Variants in ZNF536 observed in about 807,000 individuals in gnomAD.
The protein encoded by ZNF536 is zinc finger protein 536.
A neutral mutation model predicts 84.5 loss-of-function variants in ZNF536; 13 were observed. The ratio of observed to expected loss-of-function variants is 0.15; its 90% CI spans 0.10 to 0.24. The LOEUF (loss-of-function observed/expected upper bound fraction) is 0.24. Among genes scored for constraint, ZNF536 ranks in the 10% least tolerant of loss-of-function variants. The probability of loss-of-function intolerance (pLI) is 1.00; values close to 1 mark genes in which losing one functional copy is unlikely to be tolerated. For synonymous variants in ZNF536, 811 were observed against 742.5 expected (o/e 1.09, Z -1.50); for missense variants, 1,536 against 1,747.5 (o/e 0.88, Z 2.16).
chr19:30,285,593 G>A lies in ZNF536; in HGVS notation c.-120+1452G>A, dbSNP rs1326115892. Among the ~76,000 whole-genome samples, 18 of 152,242 alleles carry A rather than the reference G, an allele frequency of 1.2e-4. No homozygotes were observed. The East Asian group carries it at 2.1e-3, about 18-fold the overall frequency. On this transcript the variant is annotated intron_variant, in intron 2 of 5. Transcript: ENST00000585628. ...CTGCCAGTGAATCGGAGGTATAGCCGAGCCAGTGGAAGTGGCTTTAAACCG... is the reference window on the plus strand; with the variant it reads ...CTGCCAGTGAATCGGAGGTATAGCCAAGCCAGTGGAAGTGGCTTTAAACCG...
intron 2 of ZNF536, chr19:30,296,306 G>C (rs1836275780): frequency 6.6e-6 from 1 of 152,332 alleles, no homozygotes; most frequent in Admixed American, 6.5e-5. Context: ...GAAGAGAGCA[G>C]AACAGTGCCC....
chr19:30,433,908 A>C (rs1225457378), intron 1 of ZNF536, among the ~76,000 whole-genome samples: 1 of 151,778 alleles, frequency 6.6e-6, no homozygotes, highest in Non-Finnish European at 1.5e-5. Flanking sequence ...AACTATGCTA[A>C]CTGCTGCGGT....
intron 1 of ZNF536, among the ~76,000 whole-genome samples, chr19:30,639,256 T>C (rs182785143): frequency 2.8e-3 from 427 of 152,360 alleles, no homozygotes; most frequent in Non-Finnish European, 3.3e-3. Flanking sequence ...AATTTTGTAG[T>C]AGCAACATTA....
In ZNF536 at chr19:30,342,743, G is replaced by A. The variant is rs191112962; in HGVS notation, c.-119-9625G>A. Reference sequence around the variant, plus strand: ...AAAACAACCCAACAACAATTATTGAGGAAAAAAACTCTAGCATGAGTTTAA... The same window carrying A: ...AAAACAACCCAACAACAATTATTGAAGAAAAAAACTCTAGCATGAGTTTAA... On this transcript the variant is annotated intron_variant, in intron 2 of 5. Transcript: ENST00000585628. Among the ~76,000 whole-genome samples, 16 of 152,226 alleles carry A rather than the reference G, an allele frequency of 1.1e-4. No homozygotes were observed. In the East Asian group the frequency reaches 2.9e-3, roughly 28 times the overall value.
chr19:30,629,447 C>T (rs750817012), intron 1 of ZNF536, among the ~76,000 whole-genome samples: 17 of 152,042 alleles, frequency 1.1e-4, no homozygotes, highest in Non-Finnish European at 2.2e-4. Context: ...TCACCCACCT[C>T]GGCCTCCCAA....
At chr19:30,440,979 T>C (rs2052019172) in intron 1 of ZNF536, among the ~76,000 whole-genome samples, 1 of 152,156 alleles carries the variant, frequency 6.6e-6, no homozygotes, top group African/African-American at 2.4e-5. Context: ...AAACCAAATC[T>C]GAAAACTCTC....
At chr19:30,431,873 T>C (rs1600703263) in intron 1 of ZNF536, among the ~76,000 whole-genome samples, 1 of 152,188 alleles carries the variant, frequency 6.6e-6, no homozygotes, top group East Asian at 1.9e-4. Flanking sequence ...TGACCAAGTC[T>C]GCTTTAAAAA....
At chr19:30,403,032 A>G (rs2050119341) in intron 1 of ZNF536, among the ~76,000 whole-genome samples, 1 of 151,834 alleles carries the variant, frequency 6.6e-6, no homozygotes, top group African/African-American at 2.4e-5. Flanking sequence ...CCTGGTAGGA[A>G]TGCCTGCAAC....
chr19:30,413,181 C>CT (rs2050568325), intron 1 of ZNF536, among the ~76,000 whole-genome samples: 1 of 151,874 alleles, frequency 6.6e-6, no homozygotes, highest in South Asian at 2.1e-4. Context: ...TTGAATGAGC[C>CT]TTTTGGGGGA....
intron 2 of ZNF536, among the ~76,000 whole-genome samples, chr19:30,333,635 T>G (rs1264480088): frequency 2.6e-5 from 4 of 152,180 alleles, no homozygotes; most frequent in African/African-American, 9.7e-5. Context: ...CTTCTGCCAT[T>G]GCCCATCAGT....
intron 3 of ZNF536, among the ~76,000 whole-genome samples, chr19:30,365,292 T>A (rs1486160477): frequency 3.9e-5 from 6 of 152,130 alleles, no homozygotes; most frequent in African/African-American, 9.7e-5. Flanking sequence ...ATCTTTTTCC[T>A]CCTGTCCCTG....
chr19:30,691,444 G>A (rs1416019578), intron 1 of ZNF536, among the ~76,000 whole-genome samples: 2 of 151,746 alleles, frequency 1.3e-5, no homozygotes, highest in Non-Finnish European at 2.9e-5. Flanking sequence ...CTGAGGGTGA[G>A]GGGGTGGGAA....
chr19:30,587,121 A>G (rs2047120835), intron 1 of ZNF536, among the ~76,000 whole-genome samples: 1 of 152,262 alleles, frequency 6.6e-6, no homozygotes, highest in Non-Finnish European at 1.5e-5. Context: ...TAGATCCTCA[A>G]CCAGCCTTTC....
intron 2 of ZNF536, among the ~76,000 whole-genome samples, chr19:30,515,938 A>G (rs1254002245): frequency 6.6e-6 from 1 of 150,702 alleles, no homozygotes; most frequent in Non-Finnish European, 1.5e-5. Context: ...GAGGCAGGAG[A>G]ATCGTTTGAA....
At chr19:30,558,777 G>C (rs2046056274), downstream of ZNF536, among the ~76,000 whole-genome samples, 1 of 152,090 alleles carries the variant, frequency 6.6e-6, no homozygotes, top group Non-Finnish European at 1.5e-5. Flanking sequence ...GATGTGTTTT[G>C]TAAATTTCTA....
intron 1 of ZNF536, among the ~76,000 whole-genome samples, chr19:30,247,602 G>A (rs1188465827): frequency 1.3e-5 from 2 of 152,280 alleles, no homozygotes; most frequent in East Asian, 3.9e-4. Context: ...GATGGATTGA[G>A]CCTAGGAGTG....
At chr19:30,244,263 C>T (rs1299045410) in intron 1 of ZNF536, among the ~76,000 whole-genome samples, 1 of 152,082 alleles carries the variant, frequency 6.6e-6, no homozygotes, top group East Asian at 1.9e-4. Context: ...TCCCTCATTA[C>T]CCCGAGTTCT....
Position 30,445,761 on chromosome 19 carries a change from A to G in ZNF536, c.2170+29A>G. On this transcript the variant is annotated intron_variant, in intron 2 of 4. Transcript: ENST00000355537. The surrounding 1 kb of genome is among the most constrained non-coding windows in gnomAD (Gnocchi z 4.5). ...GGTTAGCTGAGAAGCGGGGAGAAGC[A>G]GCTTGTACAGCAGCCCTGCTCAGGG... The G allele has an allele frequency of 3.3e-6, 5 of 1,528,088 alleles. No individual in the cohort carries two copies. The highest frequency in any genetic ancestry group is 1.3e-5 in the South Asian group (1 of 76,766). 94.7% of individuals were successfully genotyped at this position (1,528,088 alleles called of 1,614,324 possible). A position where few individuals can be genotyped will look rare whatever the true frequency, so the allele number is the denominator to read the frequency against.
intron 1 of ZNF536, among the ~76,000 whole-genome samples, chr19:30,571,116 G>T (rs993160204): frequency 1.6e-4 from 24 of 151,224 alleles, no homozygotes; most frequent in Non-Finnish European, 2.5e-4. Context: ...CTTTTTTTTT[G>T]ATTCTAGTTT....
Sources: gnomAD v4.1 joint callset for allele counts (sites outside exome capture counted in the v4.1 genomes callset) on GRCh38, gnomAD v4.1.1 for gene constraint, Gnocchi (gnomAD v3.1) non-coding constraint, MANE v1.5 for transcripts, NCBI Gene and HGNC (gene_info 2026-07-23, HGNC 2026-07-21) for gene names.